TENM3: variants seen among roughly 807,000 people sequenced by gnomAD.
TENM3 encodes teneurin transmembrane protein 3, also known as teneurin-3.
Under a neutral mutation model 255.1 loss-of-function variants are expected in TENM3, and 63 were observed. That is an observed-to-expected ratio of 0.25 (90% CI 0.20 to 0.30). TENM3 has a LOEUF of 0.30. Among genes scored for constraint, TENM3 ranks in the 10% least tolerant of loss-of-function variants. The pLI, the probability that TENM3 is intolerant of heterozygous loss-of-function variation, is 1.00. For synonymous variants in TENM3, 1,306 were observed against 1,322.3 expected, an observed-to-expected ratio of 0.99 and a Z score of 0.27; for missense variants, 2,929 against 3,461.1, an observed-to-expected ratio of 0.85 and a Z score of 3.86.
intron 3 of TENM3, among the ~76,000 whole-genome samples, chr4:182,463,047 G>A (rs529668604): frequency 3.3e-5 from 5 of 152,062 alleles, no homozygotes; most frequent in Admixed American, 6.5e-5. Flanking sequence ...CCCTCCCCGT[G>A]TGCAGGTTCT....
At chr4:182,070,653 A>G in the TENM3 span, among the ~76,000 whole-genome samples, 1 of 152,194 alleles carries the variant, frequency 6.6e-6, no homozygotes, top group South Asian at 2.1e-4. Flanking sequence ...GAAGAAAAAC[A>G]TAGAATGGGA....
At chr4:181,858,622 A>G in the TENM3 span, among the ~76,000 whole-genome samples, 1 of 152,194 alleles carries the variant, frequency 6.6e-6, no homozygotes, top group Admixed American at 6.5e-5. Flanking sequence ...ATCCTACCTG[A>G]CAGCTTGTGC....
At chr4:182,733,558 T>C (rs1405601981) in intron 16 of TENM3, among the ~76,000 whole-genome samples, 1 of 144,270 alleles carries the variant, frequency 6.9e-6, no homozygotes. Context: ...AGGGAAGAGG[T>C]TGAAACTAAA....
the TENM3 span, among the ~76,000 whole-genome samples, chr4:181,918,416 T>A: frequency 6.6e-6 from 1 of 152,198 alleles, no homozygotes; most frequent in Non-Finnish European, 1.5e-5. Flanking sequence ...AAGAAAAGAA[T>A]AAATTAACTT....
At chr4:182,180,944 T>C (rs1752804770) in intron 1 of TENM3, among the ~76,000 whole-genome samples, 1 of 152,086 alleles carries the variant, frequency 6.6e-6, no homozygotes, top group South Asian at 2.1e-4. Flanking sequence ...TATATATACA[T>C]ATTTCTGGCT....
the TENM3 span, among the ~76,000 whole-genome samples, chr4:181,778,389 G>A: frequency 6.6e-6 from 1 of 152,090 alleles, no homozygotes; most frequent in Admixed American, 6.6e-5. Context: ...TTTATTGTAA[G>A]AATTCAATTT....
At chr4:182,297,073 A>G (rs1263978796) in intron 1 of TENM3, among the ~76,000 whole-genome samples, 1 of 152,218 alleles carries the variant, frequency 6.6e-6, no homozygotes, top group East Asian at 1.9e-4. Context: ...TAAGATGCCA[A>G]TAGTATTATT....
chr4:182,716,378 C>T (rs1759172902), intron 13 of TENM3, among the ~76,000 whole-genome samples: 2 of 152,258 alleles, frequency 1.3e-5, no homozygotes, highest in South Asian at 4.2e-4. Flanking sequence ...TGTGAATTGG[C>T]CTCATTCCCC....
At chr4:182,101,100 G>A in the TENM3 span, among the ~76,000 whole-genome samples, 112 of 10,148 alleles carry the variant, frequency 0.011, 17 homozygotes, top group South Asian at 0.026. Context: ...GGGAGGGAGG[G>A]AGGGAGGAAG....
At chr4:181,798,000 A>G in the TENM3 span, among the ~76,000 whole-genome samples, 1 of 152,068 alleles carries the variant, frequency 6.6e-6, no homozygotes, top group Non-Finnish European at 1.5e-5. Flanking sequence ...AGCAGTTCTC[A>G]CTGTTCTATC....
At chr4:181,775,285 G>T in the TENM3 span, among the ~76,000 whole-genome samples, 1 of 152,066 alleles carries the variant, frequency 6.6e-6, no homozygotes, top group African/African-American at 2.4e-5. Flanking sequence ...ATTCTTTTTA[G>T]TAAGAATTTT....
At chr4:181,646,197 G>A in the TENM3 span, among the ~76,000 whole-genome samples, 3 of 152,166 alleles carry the variant, frequency 2.0e-5, no homozygotes, top group Admixed American at 6.5e-5. Flanking sequence ...AAAGATACAC[G>A]AGCAATTATG....
the TENM3 span, among the ~76,000 whole-genome samples, chr4:182,007,028 T>A: frequency 6.6e-6 from 1 of 152,178 alleles, no homozygotes; most frequent in Non-Finnish European, 1.5e-5. Context: ...TTCCATGAAA[T>A]TGTGTGGTTT....
At chr4:182,165,746 T>C (rs1384040696) in intron 1 of TENM3, among the ~76,000 whole-genome samples, 1 of 152,192 alleles carries the variant, frequency 6.6e-6, no homozygotes, top group Non-Finnish European at 1.5e-5. Context: ...CTTTCACTCT[T>C]TTTTGGGGGG....
At chr4:181,502,649 G>A in the TENM3 span, among the ~76,000 whole-genome samples, 1 of 152,128 alleles carries the variant, frequency 6.6e-6, no homozygotes, top group Non-Finnish European at 1.5e-5. Flanking sequence ...CCTGCTTGGT[G>A]GTGGAGACTG....
intron 3 of TENM3, among the ~76,000 whole-genome samples, chr4:182,438,610 CA>C (rs1217079297): frequency 6.6e-6 from 1 of 152,058 alleles, no homozygotes; most frequent in East Asian, 1.9e-4. Flanking sequence ...TAAATTTGCC[CA>C]ACAACCACTG....
chr4:182,105,310 C>G, the TENM3 span, among the ~76,000 whole-genome samples: 1 of 152,140 alleles, frequency 6.6e-6, no homozygotes, highest in African/African-American at 2.4e-5. Flanking sequence ...TTTAAATAAT[C>G]CTCCCAGGAA....
chr4:182,122,348 A>C, the TENM3 span, among the ~76,000 whole-genome samples: 1 of 152,222 alleles, frequency 6.6e-6, no homozygotes, highest in African/African-American at 2.4e-5. Context: ...CTTTGTCCAG[A>C]TCCATCAGAG....
chr4:181,848,252 T>G, the TENM3 span, among the ~76,000 whole-genome samples: 1 of 152,218 alleles, frequency 6.6e-6, no homozygotes, highest in South Asian at 2.1e-4. Flanking sequence ...TGCACGGAGT[T>G]GAACATTTAA....
Sources: allele counts gnomAD v4.1 joint callset (sites outside exome capture counted in the v4.1 genomes callset), GRCh38; gene constraint gnomAD v4.1.1; transcripts MANE v1.5; gene names NCBI Gene and HGNC (gene_info 2026-07-23, HGNC 2026-07-21).